The following HIVEP3 variants were observed in gnomAD, a reference collection of about 807,000 sequenced individuals.
HIVEP3 encodes transcription factor HIVEP3.
HIVEP3 carries 49 observed loss-of-function variants against 152.8 expected under a neutral mutation model. The ratio of observed to expected loss-of-function variants is 0.32; its 90% CI spans 0.26 to 0.41. HIVEP3 has a LOEUF of 0.41. Among genes scored for constraint, HIVEP3 ranks in the 10% least tolerant of loss-of-function variants. HIVEP3 has a pLI of 1.00. For missense variants in HIVEP3, 2,790 were observed against 3,103.3 expected (o/e 0.90, Z 2.40); for synonymous variants, 1,269 against 1,289.0 (o/e 0.98, Z 0.33).
chr1:41,696,697 G>T (rs1486192530), intron 2 of HIVEP3, among the ~76,000 whole-genome samples: 1 of 152,046 alleles, frequency 6.6e-6, no homozygotes, highest in Non-Finnish European at 1.5e-5. Flanking sequence ...CAGCAGCCTG[G>T]TTCAATAGCC....
intron 1 of HIVEP3, among the ~76,000 whole-genome samples, chr1:41,766,771 G>T (rs1648036507): frequency 6.6e-6 from 1 of 152,150 alleles, no homozygotes; most frequent in Non-Finnish European, 1.5e-5. Flanking sequence ...CACTAGGCTT[G>T]GAGTCTGGCC....
chr1:41,697,049 G>C (rs576635479), intron 2 of HIVEP3, among the ~76,000 whole-genome samples: 1 of 152,172 alleles, frequency 6.6e-6, no homozygotes, highest in East Asian at 1.9e-4. Flanking sequence ...CCAACCCCGC[G>C]TTGCACAGAA....
chr1:41,895,799 T>G (rs1427452745), intron 1 of HIVEP3, among the ~76,000 whole-genome samples: 1 of 152,090 alleles, frequency 6.6e-6, no homozygotes, highest in Non-Finnish European at 1.5e-5. Context: ...AACATTTATT[T>G]GCTTTATATT....
intron 1 of HIVEP3, among the ~76,000 whole-genome samples, chr1:42,011,864 C>T (rs570407501): frequency 3.0e-4 from 46 of 152,306 alleles, no homozygotes; most frequent in Non-Finnish European, 4.6e-4. Flanking sequence ...CTGTGCTACT[C>T]TCTAGTCTCT....
At chr1:41,561,068 A>T (rs1229418749) in intron 5 of HIVEP3, among the ~76,000 whole-genome samples, 1 of 152,178 alleles carries the variant, frequency 6.6e-6, no homozygotes, top group African/African-American at 2.4e-5. Flanking sequence ...ACTCTCTCTG[A>T]GCAGCAGCTC....
chr1:41,629,201 A>G (rs191245070), intron 2 of HIVEP3, among the ~76,000 whole-genome samples: 1 of 152,300 alleles, frequency 6.6e-6, no homozygotes, highest in East Asian at 1.9e-4. Flanking sequence ...CCCCTGGTGC[A>G]CAGACCCTGC....
intron 1 of HIVEP3, among the ~76,000 whole-genome samples, chr1:41,894,350 G>C (rs1195793804): frequency 6.6e-6 from 1 of 151,998 alleles, no homozygotes; most frequent in Admixed American, 6.6e-5. Flanking sequence ...CAGCAATCTG[G>C]AGCCACAACC....
At chr1:42,022,530 A>G (rs577701091) in intron 1 of HIVEP3, among the ~76,000 whole-genome samples, 9 of 152,130 alleles carry the variant, frequency 5.9e-5, no homozygotes, top group Non-Finnish European at 8.8e-5. Flanking sequence ...GTATTTTTTC[A>G]TATTTGTCAC....
chr1:41,781,229 A>G (rs370798565), intron 1 of HIVEP3, among the ~76,000 whole-genome samples: 1 of 152,158 alleles, frequency 6.6e-6, no homozygotes, highest in African/African-American at 2.4e-5. Context: ...AGGGGTCCCT[A>G]TCTTACCAGT....
intron 5 of HIVEP3, among the ~76,000 whole-genome samples, chr1:41,529,222 C>T (rs1158191904): frequency 7.7e-6 from 1 of 129,208 alleles, no homozygotes; most frequent in Non-Finnish European, 1.6e-5. Flanking sequence ...ACACCCTCAC[C>T]CTCACACATG....
intron 1 of HIVEP3, among the ~76,000 whole-genome samples, chr1:41,914,074 C>T (rs1389864155): frequency 6.6e-6 from 1 of 152,160 alleles, no homozygotes; most frequent in Non-Finnish European, 1.5e-5. Flanking sequence ...CACAAGAATT[C>T]CAGCTGCACC....
intron 5 of HIVEP3, chr1:41,542,399 A>ACC (rs201330374): frequency 6.4e-6 from 1 of 155,060 alleles, no homozygotes; most frequent in Admixed American, 6.5e-5. Flanking sequence ...ACTTCCCAGG[A>ACC]CCCCCCCGCT....
In HIVEP3 at chr1:41,965,639, G is replaced by A. The variant is rs185117349; in HGVS notation, n.120-47115C>T. 1.8e-4 allele frequency among the ~76,000 whole-genome samples: 27 copies of A among 152,254 alleles called. No homozygotes were observed. The East Asian group carries it at 5.0e-3, about 28-fold the overall frequency. ...GGAGGAAAGAATCTCAGAGCTTGAA[G>A]GCTATCTTGCTGAAGTAAGACAGGC... On this transcript the variant is annotated intron_variant and non_coding_transcript_variant, in intron 1 of 3. Coordinates refer to the HIVEP3 transcript ENST00000489103.
chr1:41,607,528 T>C (rs1021110366), intron 3 of HIVEP3, among the ~76,000 whole-genome samples: 1 of 144,470 alleles, frequency 6.9e-6, no homozygotes, highest in Non-Finnish European at 1.5e-5. Context: ...CTGTTAAGGA[T>C]ACTACTGATA....
chr1:41,843,172 G>A (rs11582555), intron 1 of HIVEP3, among the ~76,000 whole-genome samples: 52,544 of 151,914 alleles, frequency 0.35, 9,276 homozygotes, highest in Non-Finnish European at 0.38. Context: ...CACATTTCAC[G>A]GCATATGCGC....
intron 1 of HIVEP3, among the ~76,000 whole-genome samples, chr1:41,736,262 T>G (rs965440659): frequency 6.6e-6 from 1 of 152,196 alleles, no homozygotes. Flanking sequence ...GAATTTCCAA[T>G]TGCATCCCCC....
intron 1 of HIVEP3, among the ~76,000 whole-genome samples, chr1:41,888,202 A>ATTT (rs61561436): frequency 2.0e-5 from 2 of 99,198 alleles, no homozygotes; most frequent in Non-Finnish European, 3.9e-5. Context: ...CGCCCGGCTA[A>ATTT]TTTTTTTTTT....
chr1:41,648,979 G>A (rs1416025527), intron 2 of HIVEP3, among the ~76,000 whole-genome samples: 1 of 152,246 alleles, frequency 6.6e-6, no homozygotes, highest in East Asian at 1.9e-4. Context: ...CAGAGCCTCT[G>A]CGTCCTTGTC....
At chr1:41,657,616 T>A (rs923287022) in intron 2 of HIVEP3, among the ~76,000 whole-genome samples, 1 of 152,196 alleles carries the variant, frequency 6.6e-6, no homozygotes, top group Non-Finnish European at 1.5e-5. Context: ...CTAGTTGTTG[T>A]TTATGGTTCA....
Sources: gnomAD v4.1 joint callset for allele counts (sites outside exome capture counted in the v4.1 genomes callset) on GRCh38, gnomAD v4.1.1 for gene constraint, MANE v1.5 for transcripts, NCBI Gene and HGNC (gene_info 2026-07-23, HGNC 2026-07-21) for gene names.